The following ILDR1 variants were observed in gnomAD, a reference collection of about 807,000 sequenced individuals.
The protein encoded by ILDR1 is immunoglobulin-like domain-containing receptor 1.
Under a neutral mutation model 62.4 loss-of-function variants are expected in ILDR1, and 56 were observed. The ratio of observed to expected loss-of-function variants is 0.90; its 90% confidence interval spans 0.72 to 1.12. The LOEUF is 1.12. Ranked by LOEUF, ILDR1 falls within the 50% of genes most tolerant of loss-of-function variation. ILDR1 has a pLI of 0.00. For synonymous variants in ILDR1, 284 were observed against 277.8 expected, an observed-to-expected ratio of 1.02 and a Z score of -0.22; for missense variants, 736 against 710.6, an observed-to-expected ratio of 1.04 and a Z score of -0.41.
At chr3:122,026,997 T>C (rs1470394049), upstream of ILDR1, among the ~76,000 whole-genome samples, 1 of 152,162 alleles carries the variant, frequency 6.6e-6, no homozygotes, top group Non-Finnish European at 1.5e-5. Context: ...CATTTGAATA[T>C]ACCAGCAACA....
In ILDR1 at chr3:121,993,554, A is replaced by G; in HGVS notation, c.1195T>C (p.Trp399Arg). The G allele has an allele frequency of 6.2e-7, 1 of 1,614,210 alleles. No homozygotes were observed. The highest frequency in any genetic ancestry group is 8.5e-7 in the Non-Finnish European group (1 of 1,180,032). Residue 399 changes from tryptophan to arginine, a missense_variant, in exon 7 of 8, where the codon TGG becomes CGG. Physicochemically the swap from Trp to Arg is moderately radical, Grantham distance 101. Transcript: ENST00000344209. ...CTAGAGCTACGGTGCCTTCCACTCC[A>G]CGATGGGTCCAACTCCCTTCTTTCC... ...ALERRELDPS[W>R]SGRHRSSRLN...
chr3:122,027,475 C>T, the ILDR1 span, among the ~76,000 whole-genome samples: 2 of 152,202 alleles, frequency 1.3e-5, no homozygotes, highest in African/African-American at 2.4e-5. Context: ...CAGGAGTGAG[C>T]CACTGCGCCT....
intron 7 of ILDR1, among the ~76,000 whole-genome samples, chr3:121,989,410 A>G (rs550525845): frequency 6.6e-6 from 1 of 152,368 alleles, no homozygotes; most frequent in East Asian, 1.9e-4. Context: ...TAAATCAAAA[A>G]GTCAAGAAAA....
chr3:122,037,375 G>A, the ILDR1 span, among the ~76,000 whole-genome samples: 2 of 152,352 alleles, frequency 1.3e-5, no homozygotes, highest in East Asian at 1.9e-4. Flanking sequence ...GGCTGTGGGA[G>A]CCCACCCCTT....
At chr3:122,032,261 T>C in the ILDR1 span, among the ~76,000 whole-genome samples, 1 of 152,254 alleles carries the variant, frequency 6.6e-6, no homozygotes. Flanking sequence ...TTTTGCTTAA[T>C]ATGTTGGTGA....
Position 122,022,140 on chromosome 3 carries a change from G to A in ILDR1, c.-63C>T. 1 of 1,431,006 alleles carries A rather than the reference G, an allele frequency of 7.0e-7. No individual in the cohort carries two copies. Among genetic ancestry groups the A allele is most frequent in the South Asian group, 1.2e-5 (1 of 81,762 alleles). The allele number at this position is 1,431,006 out of a possible 1,614,324, so 88.6% of individuals were successfully genotyped here. A position where few individuals can be genotyped will look rare whatever the true frequency, so the allele number is the denominator to read the frequency against. ...CGGGGCACTGCGTCTTTCTTCCTCA[G>A]CTGCCGCCCCAGGACGCACCACCTT... On this transcript the variant is annotated 5_prime_UTR_variant, in exon 1 of 8. Transcript: ENST00000344209.
chr3:121,994,225 G>C lies in ILDR1; in HGVS notation c.735C>G (p.Ser245Arg). Residue 245 changes from serine (S) to arginine (R), a missense_variant, in exon 6 of 8, where the codon AGC (serine) becomes AGG (arginine). By Grantham distance (110) the Ser-to-Arg change is moderately radical. Coordinates refer to ENST00000344209, the MANE Select transcript of ILDR1 (RefSeq NM_001199799.2). ...GCATTGGATAAGATGAAACCTGGGA[G>C]CTCCTGTCCGCCCCCCAGTACAGGG... ...GKPLYWGADR[S>R]SQVSSYPMHP... 1 of 1,536,170 alleles carries C rather than the reference G, an allele frequency of 6.5e-7. No individual in the cohort carries two copies. The highest frequency in any genetic ancestry group is 8.7e-7 in the Non-Finnish European group (1 of 1,146,916).
chr3:122,010,704 C>A (rs966521207), intron 1 of ILDR1, among the ~76,000 whole-genome samples: 16 of 152,168 alleles, frequency 1.1e-4, no homozygotes, highest in Admixed American at 5.9e-4. Context: ...ATAGTAGAAG[C>A]AGCCACAGAT....
chr3:122,018,842 C>T (rs2071816106), intron 1 of ILDR1, among the ~76,000 whole-genome samples: 1 of 152,098 alleles, frequency 6.6e-6, no homozygotes, highest in Admixed American at 6.5e-5. Flanking sequence ...TCACCCATAC[C>T]CCCTCACCCT....
the ILDR1 span, chr3:122,055,462 AT>A: frequency 6.2e-7 from 1 of 1,612,394 alleles, no homozygotes; most frequent in Non-Finnish European, 8.5e-7. Context: ...TCATTTCCAG[AT>A]ATTAGGTCAC....
chr3:121,999,085 C>T (rs543096817), intron 5 of ILDR1, among the ~76,000 whole-genome samples: 22 of 152,298 alleles, frequency 1.4e-4, no homozygotes, highest in African/African-American at 4.8e-4. Flanking sequence ...GTTCTCTTTT[C>T]CTGTAAGACA....
intron 1 of ILDR1, among the ~76,000 whole-genome samples, chr3:122,021,270 AG>A (rs1355788829): frequency 1.3e-5 from 2 of 152,324 alleles, no homozygotes; most frequent in African/African-American, 4.8e-5. Context: ...GAGCTGAAAG[AG>A]CCTGCCCATT....
chr3:122,061,455 T>C, the ILDR1 span, among the ~76,000 whole-genome samples: 242 of 152,280 alleles, frequency 1.6e-3, 2 homozygotes, highest in East Asian at 0.032. Context: ...TCTCACCAAA[T>C]ACTAAAGAAA....
chr3:122,024,764 T>A (rs758400335), upstream of ILDR1, among the ~76,000 whole-genome samples: 6 of 152,246 alleles, frequency 3.9e-5, no homozygotes, highest in Non-Finnish European at 7.3e-5. Flanking sequence ...ACGATGCTGG[T>A]AAATGGCAGA....
intron 7 of ILDR1, among the ~76,000 whole-genome samples, chr3:121,989,158 G>A (rs369679570): frequency 1.3e-5 from 2 of 152,150 alleles, no homozygotes; most frequent in Admixed American, 1.3e-4. Flanking sequence ...GATCACATAT[G>A]TATGTACATT....
At chr3:122,030,353 G>C in the ILDR1 span, among the ~76,000 whole-genome samples, 2 of 151,950 alleles carry the variant, frequency 1.3e-5, no homozygotes, top group East Asian at 1.9e-4. Flanking sequence ...GAGGGAGAGA[G>C]AGAAAATTAT....
At chr3:122,053,075 G>T in the ILDR1 span, among the ~76,000 whole-genome samples, 1 of 152,134 alleles carries the variant, frequency 6.6e-6, no homozygotes, top group Non-Finnish European at 1.5e-5. Context: ...CCAGCTTCTG[G>T]ATTTCTCACA....
chr3:121,988,352 T>G lies in ILDR1; in HGVS notation c.*15A>C, dbSNP rs150481354. The G allele has an allele frequency of 6.2e-7, 1 of 1,611,418 alleles. No individual in the cohort carries two copies. Among genetic ancestry groups the G allele is most frequent in the Non-Finnish European group, 8.5e-7 (1 of 1,177,558 alleles). On this transcript the variant is annotated 3_prime_UTR_variant, in exon 8 of 8. Transcript: ENST00000344209. ...AGCCGAGAAGTAGCCACAGAAGTTG[T>G]GCTGTGCTTGGTGACTAAATGACCA...
At chr3:122,011,677 T>TCACACACACACACACA (rs10530548) in intron 1 of ILDR1, among the ~76,000 whole-genome samples, 3,299 of 133,188 alleles carry the variant, frequency 0.025, 126 homozygotes, top group African/African-American at 0.078. Flanking sequence ...TCTCTCTCTT[T>TCACACACACACACACA]CACACACACA....
Sources: gnomAD v4.1 joint callset for allele counts (sites outside exome capture counted in the v4.1 genomes callset) on GRCh38, gnomAD v4.1.1 for gene constraint, MANE v1.5 for transcripts, NCBI Gene and HGNC (gene_info 2026-07-23, HGNC 2026-07-21) for gene names.